Variants in SP4 observed in about 807,000 individuals in gnomAD.
The protein encoded by SP4 is transcription factor Sp4.
A neutral mutation model predicts 72.8 loss-of-function variants in SP4; 19 were observed. The ratio of observed to expected loss-of-function variants is 0.26; its 90% CI spans 0.18 to 0.38. The LOEUF is 0.38. SP4 is among the 10% of genes least tolerant of loss of function. The pLI is 1.00. For missense variants in SP4, 1,008 were observed against 926.3 expected (o/e 1.09, Z -1.14); for synonymous variants, 395 against 333.1 (o/e 1.19, Z -2.02).
At chr7:21,501,187 C>G (rs1220745465) in intron 5 of SP4, among the ~76,000 whole-genome samples, 1 of 152,170 alleles carries the variant, frequency 6.6e-6, no homozygotes, top group Non-Finnish European at 1.5e-5. Context: ...ACTTTCTTCG[C>G]TTTTATGGGC....
rs1782142678 is a variant in SP4, at chr7:21,511,502, G to GTTGT, written c.*237_*240dup. 8.5e-6 allele frequency: 4 copies of GTTGT among 471,630 alleles called. No individual in the cohort carries two copies. Among genetic ancestry groups the GTTGT allele is most frequent in the Non-Finnish European group, 1.5e-5 (4 of 263,330 alleles). The allele number at this position is 471,630 out of a possible 1,614,324, so 29.2% of individuals were successfully genotyped here. A position where few individuals can be genotyped will look rare whatever the true frequency, so the allele number is the denominator to read the frequency against. On this transcript the variant is annotated 3_prime_UTR_variant, in exon 6 of 6. Coordinates refer to ENST00000222584, the MANE Select transcript of SP4 (RefSeq NM_003112.5). ...TATTTCCTCCATACTATAAGTTGTAGTTGTTTGGAAATATATCACATAACC... is the reference window on the plus strand; with the variant it reads ...TATTTCCTCCATACTATAAGTTGTAGTTGTTTGTTTGGAAATATATCACATAACC...
chr7:21,466,183 T>C (rs943169519), intron 3 of SP4, among the ~76,000 whole-genome samples: 1 of 152,190 alleles, frequency 6.6e-6, no homozygotes, highest in Non-Finnish European at 1.5e-5. Context: ...AGGTGAGGGC[T>C]TCTGGTCAGA....
At chr7:21,502,098 G>A (rs527882423) in intron 5 of SP4, among the ~76,000 whole-genome samples, 8 of 129,958 alleles carry the variant, frequency 6.2e-5, no homozygotes, top group East Asian at 2.6e-4. Context: ...CAAAAGATAC[G>A]TCAAATCTCT....
chr7:21,503,277 C>T (rs777677596), intron 5 of SP4, among the ~76,000 whole-genome samples: 9 of 152,220 alleles, frequency 5.9e-5, no homozygotes, highest in Admixed American at 1.3e-4. Flanking sequence ...TTTCCATAGC[C>T]GGAAGATCTG....
chr7:21,430,455 G>T lies in SP4; in HGVS notation c.1290G>T (p.Gly430=). The change falls in exon 3 of 6, where the codon GGG becomes GGT. Residue 430 remains glycine, a synonymous_variant. Coordinates refer to ENST00000222584, the MANE Select transcript of SP4 (RefSeq NM_003112.5). ...CACAGTCGTTTCAACTCCAGTCAGG[G>T]CAGACGATTCAGACCATCCAGCAGC... The part of the protein sequence containing the change: ...IPPQSFQLQS[G]QTIQTIQQQP... 1.2e-6 allele frequency: 2 copies of T among 1,614,154 alleles called. No individual in the cohort carries two copies. The highest frequency in any genetic ancestry group is 8.5e-7 in the Non-Finnish European group (1 of 1,180,024).
Position 21,429,922 on chromosome 7 carries a change from G to C in SP4, c.757G>C (p.Val253Leu), listed in dbSNP as rs1212271439. Residue 253 changes from valine to leucine, a missense_variant, in exon 3 of 6, where the codon GTT becomes CTT. By Grantham distance (32) the Val-to-Leu change is conservative. This residue lies in a region of SP4 where 893 missense variants were observed against 743.3 expected (regional missense o/e 1.20). Coordinates refer to ENST00000222584, the MANE Select transcript of SP4 (RefSeq NM_003112.5). Reference protein sequence around the residue: ...LQTLPGTQAQVVTTLPINIGG... With the variant: ...LQTLPGTQAQLVTTLPINIGG... ...GACTCTTCCTGGTACTCAGGCTCAA[G>C]TTGTAACAACCCTACCAATTAACAT... 5 of 1,614,090 alleles carry C rather than the reference G, an allele frequency of 3.1e-6. No homozygotes were observed. Among genetic ancestry groups the C allele is most frequent in the South Asian group, 1.1e-5 (1 of 91,092 alleles).
chr7:21,508,830 T>G (rs1019524433), intron 5 of SP4, among the ~76,000 whole-genome samples: 41 of 146,446 alleles, frequency 2.8e-4, no homozygotes, highest in Non-Finnish European at 4.4e-4. Flanking sequence ...TTTTTTTTTT[T>G]GAGACAAGGC....
chr7:21,475,290 AT>A (rs1170462583), intron 3 of SP4, among the ~76,000 whole-genome samples: 1 of 151,212 alleles, frequency 6.6e-6, no homozygotes, highest in African/African-American at 2.4e-5. Flanking sequence ...AATTTTTTGT[AT>A]TTTTAATAGA....
intron 5 of SP4, among the ~76,000 whole-genome samples, chr7:21,493,343 T>G (rs1785027204): frequency 6.6e-6 from 1 of 152,118 alleles, no homozygotes; most frequent in Non-Finnish European, 1.5e-5. Context: ...TAGAAAATAT[T>G]TCCAATTAAA....
At chr7:21,510,462 C>A (rs1388791349) in intron 5 of SP4, among the ~76,000 whole-genome samples, 1 of 152,160 alleles carries the variant, frequency 6.6e-6, no homozygotes, top group Non-Finnish European at 1.5e-5. Flanking sequence ...CTTTGGACAA[C>A]AGAAACTGTT....
chr7:21,479,778 G>A (rs976015293), intron 4 of SP4, among the ~76,000 whole-genome samples: 2 of 152,102 alleles, frequency 1.3e-5, no homozygotes, highest in Non-Finnish European at 2.9e-5. Flanking sequence ...AGTATTTCTG[G>A]TTGTTTAATC....
intron 3 of SP4, among the ~76,000 whole-genome samples, chr7:21,449,746 C>T (rs891476648): frequency 6.6e-6 from 1 of 152,090 alleles, no homozygotes; most frequent in Admixed American, 6.6e-5. Context: ...ATGGTTTACC[C>T]AAATCACACC....
At chr7:21,492,387 AG>A (rs1376977148) in intron 5 of SP4, among the ~76,000 whole-genome samples, 3 of 152,240 alleles carry the variant, frequency 2.0e-5, no homozygotes, top group Non-Finnish European at 4.4e-5. Context: ...TCTAATTCAC[AG>A]CGCTCCAAAA....
At chr7:21,432,999 A>G (rs994527709) in intron 3 of SP4, among the ~76,000 whole-genome samples, 2 of 152,140 alleles carry the variant, frequency 1.3e-5, no homozygotes, top group Non-Finnish European at 2.9e-5. Context: ...CTCTCAAACA[A>G]ACAAACTCAC....
intron 3 of SP4, among the ~76,000 whole-genome samples, chr7:21,456,457 A>G (rs191756023): frequency 1.3e-5 from 2 of 152,312 alleles, no homozygotes; most frequent in Admixed American, 6.5e-5. Flanking sequence ...TAGGGTAAAA[A>G]CAAGTATAAA....
chr7:21,482,133 T>C lies in SP4; in HGVS notation c.2107+10T>C. 2 of 1,600,786 alleles carry C rather than the reference T, an allele frequency of 1.2e-6. No individual in the cohort carries two copies. The highest frequency in any genetic ancestry group is 1.7e-6 in the Non-Finnish European group (2 of 1,169,930). On this transcript the variant is annotated intron_variant, in intron 5 of 5. Transcript: ENST00000222584. ...AGAAGAACCCATACAGGTTAGTTGATTTTAGGACTTGTACTTTTTACTTAT... is the reference window on the plus strand; with the variant it reads ...AGAAGAACCCATACAGGTTAGTTGACTTTAGGACTTGTACTTTTTACTTAT...
chr7:21,496,370 G>A (rs1365246425), intron 5 of SP4, among the ~76,000 whole-genome samples: 1 of 152,198 alleles, frequency 6.6e-6, no homozygotes, highest in Non-Finnish European at 1.5e-5. Context: ...TTTCTGTTAA[G>A]CCTCATGTGC....
chr7:21,475,378 T>A (rs1784468899), intron 3 of SP4, among the ~76,000 whole-genome samples: 2 of 151,988 alleles, frequency 1.3e-5, no homozygotes. Context: ...CCTCCAAAAG[T>A]GCTGGGATTA....
At chr7:21,468,602 C>G (rs1784239188) in intron 3 of SP4, among the ~76,000 whole-genome samples, 1 of 151,306 alleles carries the variant, frequency 6.6e-6, no homozygotes, top group Non-Finnish European at 1.5e-5. Flanking sequence ...ATTTGGCCAT[C>G]TCGCTGATGT....
Sources: allele counts gnomAD v4.1 joint callset (sites outside exome capture counted in the v4.1 genomes callset), GRCh38; gene constraint gnomAD v4.1.1; regional missense constraint gnomAD v4.1.1; transcripts MANE v1.5; gene names NCBI Gene and HGNC (gene_info 2026-07-23, HGNC 2026-07-21).